PDE4B: variants seen among roughly 807,000 people sequenced by gnomAD.
PDE4B encodes 3',5'-cyclic-AMP phosphodiesterase 4B.
A neutral mutation model predicts 82.2 loss-of-function variants in PDE4B; 20 were observed. That is an observed-to-expected ratio of 0.24 (90% CI 0.17 to 0.35). PDE4B has a LOEUF of 0.35. Among genes scored for constraint, PDE4B ranks in the 10% least tolerant of loss-of-function variants. PDE4B has a pLI of 1.00. For synonymous variants in PDE4B, 320 were observed against 318.9 expected (o/e 1.00, Z -0.04); for missense variants, 655 against 907.2 (o/e 0.72, Z 3.57).
chr1:65,887,010 C>T (rs1438416046), intron 1 of PDE4B, among the ~76,000 whole-genome samples: 1 of 152,068 alleles, frequency 6.6e-6, no homozygotes, highest in Non-Finnish European at 1.5e-5. Context: ...GTTCACTTTT[C>T]TTCACATTCT....
intron 3 of PDE4B, among the ~76,000 whole-genome samples, chr1:66,217,653 A>G (rs1478113215): frequency 6.6e-6 from 1 of 152,130 alleles, no homozygotes; most frequent in East Asian, 1.9e-4. Context: ...TGTTTTGCAT[A>G]TTTGTATGAT....
At chr1:65,854,441 A>G (rs1233415129) in intron 1 of PDE4B, among the ~76,000 whole-genome samples, 1 of 150,282 alleles carries the variant, frequency 6.7e-6, no homozygotes, top group African/African-American at 2.4e-5. Flanking sequence ...CTGGCATTAA[A>G]TTCTCCCAGC....
At chr1:66,358,652 C>T (rs962645749) in intron 9 of PDE4B, among the ~76,000 whole-genome samples, 14 of 130,514 alleles carry the variant, frequency 1.1e-4, no homozygotes, top group African/African-American at 3.2e-4. Flanking sequence ...CCAGCCTGGG[C>T]GAGAAGAGCA....
intron 3 of PDE4B, among the ~76,000 whole-genome samples, chr1:66,216,901 C>T (rs1426100354): frequency 6.6e-6 from 1 of 152,126 alleles, no homozygotes; most frequent in Admixed American, 6.6e-5. Context: ...ATTTCAGCCT[C>T]ATTACCTATG....
At chr1:66,281,848 A>G (rs1264694795) in intron 7 of PDE4B, among the ~76,000 whole-genome samples, 1 of 152,202 alleles carries the variant, frequency 6.6e-6, no homozygotes, top group Non-Finnish European at 1.5e-5. Context: ...CAATAAAACT[A>G]TGCCTCCATG....
intron 3 of PDE4B, among the ~76,000 whole-genome samples, chr1:65,922,326 T>C (rs1313695669): frequency 6.6e-6 from 1 of 152,198 alleles, no homozygotes; most frequent in Non-Finnish European, 1.5e-5. Context: ...ATTATTATTA[T>C]TGTCATTTTT....
chr1:66,017,298 T>C (rs990607696), intron 3 of PDE4B, among the ~76,000 whole-genome samples: 12 of 152,172 alleles, frequency 7.9e-5, no homozygotes, highest in Non-Finnish European at 1.5e-5. Flanking sequence ...ATTAATGAGA[T>C]AATAAAATGA....
chr1:65,950,406 C>T (rs1353748429), intron 3 of PDE4B, among the ~76,000 whole-genome samples: 1 of 152,078 alleles, frequency 6.6e-6, no homozygotes, highest in African/African-American at 2.4e-5. Context: ...TCTTTACAGT[C>T]TGTCTCTTAG....
chr1:66,225,516 G>A (rs182194403), intron 3 of PDE4B, among the ~76,000 whole-genome samples: 2 of 152,332 alleles, frequency 1.3e-5, no homozygotes, highest in East Asian at 3.9e-4. Context: ...GGAATTCAAT[G>A]AAGGTCTGTT....
chr1:65,868,311 T>TC (rs1245180188), intron 1 of PDE4B, among the ~76,000 whole-genome samples: 2 of 152,142 alleles, frequency 1.3e-5, no homozygotes, highest in Non-Finnish European at 2.9e-5. Context: ...AGGGAACCCA[T>TC]CCGTCCAGCA....
intron 7 of PDE4B, among the ~76,000 whole-genome samples, chr1:66,307,665 AT>A (rs1252328752): frequency 7.2e-5 from 11 of 152,172 alleles, no homozygotes; most frequent in African/African-American, 2.2e-4. Flanking sequence ...AAAGTAGTGC[AT>A]TTGTGGTAGA....
Position 66,131,633 on chromosome 1 carries a change from ATATATT to A in PDE4B, c.282-115826_282-115821del, listed in dbSNP as rs1271782959. 1.4e-4 allele frequency among the ~76,000 whole-genome samples: 18 copies of A among 126,716 alleles called. No homozygotes were observed. In the East Asian group the frequency reaches 2.9e-3, roughly 21 times the overall value. 83.1% of individuals were successfully genotyped at this position (126,716 alleles called of 152,430 possible). On this transcript the variant is annotated intron_variant, in intron 3 of 16. Coordinates refer to ENST00000341517, the MANE Select transcript of PDE4B (RefSeq NM_002600.4). ...TATATATATATATATATATATATATATATATTACTAACCAGGGAAAGGATGATGATT... is the reference window on the plus strand; with the variant it reads ...TATATATATATATATATATATATATAACTAACCAGGGAAAGGATGATGATT...
chr1:65,988,044 A>G (rs1003462902), intron 3 of PDE4B, among the ~76,000 whole-genome samples: 2 of 152,250 alleles, frequency 1.3e-5, no homozygotes, highest in African/African-American at 4.8e-5. Context: ...ACAGTATTGA[A>G]CAAGACTCAG....
chr1:65,832,536 G>A (rs1646094737), intron 1 of PDE4B, among the ~76,000 whole-genome samples: 1 of 152,158 alleles, frequency 6.6e-6, no homozygotes, highest in Non-Finnish European at 1.5e-5. Flanking sequence ...AACCACTGTG[G>A]CATTCAGTGA....
In PDE4B at chr1:65,854,697, T is replaced by C. The variant is rs139863519; in HGVS notation, c.-70-58548T>C. On this transcript the variant is annotated intron_variant, in intron 1 of 16. Coordinates refer to ENST00000341517, the MANE Select transcript of PDE4B (RefSeq NM_002600.4). Reference sequence around the variant, plus strand: ...GTGTGTGATATACTTTTCTTGTATTTATTCCACTTGAGTTTGCTGAAATTC... The same window carrying C: ...GTGTGTGATATACTTTTCTTGTATTCATTCCACTTGAGTTTGCTGAAATTC... Among the ~76,000 whole-genome samples, 480 of 152,234 alleles carry C rather than the reference T, an allele frequency of 3.2e-3. 4 individuals carry two copies. The highest frequency in any genetic ancestry group is 0.011 in the African/African-American group (453 of 41,584).
intron 3 of PDE4B, among the ~76,000 whole-genome samples, chr1:66,191,931 C>T (rs536014104): frequency 3.3e-5 from 5 of 152,230 alleles, no homozygotes; most frequent in Admixed American, 6.5e-5. Flanking sequence ...GGGGAAAACA[C>T]CCCATGATTT....
chr1:66,365,547 A>G (rs567456827), intron 12 of PDE4B, 120 bp from the exon 13 acceptor site: 1 of 565,382 alleles, frequency 1.8e-6, no homozygotes, highest in African/African-American at 1.9e-5. Context: ...ATATTGAGAT[A>G]TTACATAAAT....
At chr1:65,815,820 G>A (rs944934136) in intron 1 of PDE4B, among the ~76,000 whole-genome samples, 23 of 152,138 alleles carry the variant, frequency 1.5e-4, no homozygotes, top group Non-Finnish European at 3.1e-4. Flanking sequence ...GTATATAAAA[G>A]CAATCAGTAA....
Position 65,918,632 on chromosome 1 carries a change from A to G in PDE4B, c.78A>G (p.Lys26=), listed in dbSNP as rs764629122. 3.1e-6 allele frequency: 5 copies of G among 1,612,164 alleles called. No homozygotes were observed. In the East Asian group the frequency reaches 1.1e-4, roughly 36 times the overall value. Residue 26 remains lysine (K), a synonymous_variant, in exon 3 of 17, where the codon AAA becomes AAG. Coordinates refer to ENST00000341517, the MANE Select transcript of PDE4B (RefSeq NM_002600.4). ...ATTATTTTGAATGTAGCTTGAGTAAATCCTACAGTTCTTCCAGTAACACAC... is the reference window on the plus strand; with the variant it reads ...ATTATTTTGAATGTAGCTTGAGTAAGTCCTACAGTTCTTCCAGTAACACAC... The part of the protein sequence containing the change: ...VKDYFECSLS[K]SYSSSSNTLG...
Sources: gnomAD v4.1 joint callset for allele counts (sites outside exome capture counted in the v4.1 genomes callset) on GRCh38, gnomAD v4.1.1 for gene constraint, MANE v1.5 for transcripts, NCBI Gene and HGNC (gene_info 2026-07-23, HGNC 2026-07-21) for gene names.